Variants in ZNF440 observed in about 807,000 individuals in gnomAD.
The protein encoded by ZNF440 is zinc finger protein 440.
A neutral mutation model predicts 49.7 loss-of-function variants in ZNF440; 47 were observed. The ratio of observed to expected loss-of-function variants is 0.95; its 90% CI spans 0.75 to 1.21. The LOEUF (loss-of-function observed/expected upper bound fraction) is 1.21, where lower values mean the gene tolerates loss of function less well. Among genes scored for constraint, ZNF440 ranks in the 50% most tolerant of loss-of-function variants. ZNF440 has a pLI of 0.00. For synonymous variants in ZNF440, 255 were observed against 237.7 expected (o/e 1.07, Z -0.67); for missense variants, 703 against 715.0 (o/e 0.98, Z 0.19).
At position 11,832,000 on chromosome 19, in the gene ZNF440, A is replaced by G. The variant is rs770639738; in HGVS notation, c.824A>G (p.Glu275Gly). ...AGTCCCAGATCCTATCGTAGACATG[A>G]AAGGATTCACATGGGAGAAAAGGCT... is the stretch of plus-strand genomic sequence containing the variant. ...FHSPRSYRRH[E>G]RIHMGEKAYQ... Residue 275 changes from glutamate (E) to glycine (G), a missense_variant, in exon 4 of 4, where the codon GAA becomes GGA. Physicochemically the swap from Glu to Gly is moderately conservative, Grantham distance 98. Coordinates refer to ENST00000304060, the MANE Select transcript of ZNF440 (RefSeq NM_152357.3). The G allele has an allele frequency of 6.2e-7, 1 of 1,614,058 alleles. No homozygotes were observed. The highest frequency in any genetic ancestry group is 8.5e-7 in the Non-Finnish European group (1 of 1,179,994).
rs141262728 is a variant in ZNF440 at position 11,830,047 on chromosome 19, C to T, written c.4-236C>T. 1.6e-3 allele frequency: 1,150 copies of T among 738,672 alleles called. 12 individuals carry two copies. The African/African-American group carries it at 0.019, about 12-fold the overall frequency. The allele number at this position is 738,672 out of a possible 1,614,324, so 45.8% of individuals were successfully genotyped here. The stretch of plus-strand genomic sequence containing the variant: ...TGAGGAAGAAGAAGTGCTAGAACCC[C>T]GGCAGTGAGCCGAGATCATGCCATT... On this transcript the variant is annotated intron_variant, in intron 1 of 3. Coordinates refer to ENST00000304060, the MANE Select transcript of ZNF440 (RefSeq NM_152357.3).
Position 11,832,258 on chromosome 19 carries a change from T to G in ZNF440, c.1082T>G (p.Ile361Ser), listed in dbSNP as rs1410574237. 6.2e-7 allele frequency: 1 copy of G among 1,613,810 alleles called. No individual in the cohort carries two copies. The highest frequency in any genetic ancestry group is 8.5e-7 in the Non-Finnish European group (1 of 1,179,934). ...SVNSFQRHEK[I>S]HSGEKPYKCK... ...AATTCATTTCAAAGACATGAAAAAA[T>G]TCACAGTGGAGAGAAACCCTATAAA... is the stretch of plus-strand genomic sequence containing the variant. Residue 361 changes from isoleucine (I) to serine (S), a missense_variant, in exon 4 of 4, where the codon ATT becomes AGT. Transcript: ENST00000304060.
In ZNF440 at chr19:11,831,497, A is replaced by C. The variant is rs200760226; in HGVS notation, c.321A>C (p.Glu107Asp). 46 of 1,614,004 alleles carry C rather than the reference A, an allele frequency of 2.9e-5. No individual in the cohort carries two copies. Among genetic ancestry groups the C allele is most frequent in the East Asian group, 2.5e-4 (11 of 44,878 alleles). ...CTTCTCCTGAAGTAAAATCATGTGA[A>C]AGCTTTGTGTGTGGAGAAGTTGGCC... ...KKASPEVKSC[E>D]SFVCGEVGLG... The change falls in exon 4 of 4, where the codon GAA becomes GAC. Residue 107 changes from glutamate to aspartate, a missense_variant. Physicochemically the swap from Glu to Asp is conservative, Grantham distance 45 (BLOSUM62 2). Transcript: ENST00000304060.
At chr19:11,821,697 A>G (rs980883501) in intron 1 of ZNF440, among the ~76,000 whole-genome samples, 2 of 152,228 alleles carry the variant, frequency 1.3e-5, no homozygotes, top group African/African-American at 2.4e-5. Flanking sequence ...CACATGAGTC[A>G]GACATCACTG....
Position 11,832,731 on chromosome 19 carries a change from A to C in ZNF440, c.1555A>C (p.Asn519His). Residue 519 changes from asparagine (N) to histidine (H), a missense_variant, in exon 4 of 4, where the codon AAT becomes CAT. Asn to His is a moderately conservative substitution (Grantham distance 68). Transcript: ENST00000304060. Reference protein sequence around the residue: ...TLERSPINASNVGKPSELCQS... With the variant: ...TLERSPINASHVGKPSELCQS... The stretch of plus-strand genomic sequence containing the variant: ...GGAGAGAAGCCCTATAAATGCGAGC[A>C]ATGTGGGAAAGCCTTCAGAGCTGTG... 1 of 1,613,658 alleles carries C rather than the reference A, an allele frequency of 6.2e-7. No homozygotes were observed. The highest frequency in any genetic ancestry group is 8.5e-7 in the Non-Finnish European group (1 of 1,179,874).
At chr19:11,823,211 C>T (rs1261373354) in intron 1 of ZNF440, among the ~76,000 whole-genome samples, 1 of 152,082 alleles carries the variant, frequency 6.6e-6, no homozygotes, top group Non-Finnish European at 1.5e-5. Flanking sequence ...CTCATAAGAG[C>T]ACTAATCTCA....
Position 11,831,940 on chromosome 19 carries a change from CT to C in ZNF440, c.766del (p.Tyr256MetfsTer76). 13 of 1,613,982 alleles carry C rather than the reference CT, an allele frequency of 8.1e-6. No individual in the cohort carries two copies. The highest frequency in any genetic ancestry group is 1.1e-5 in the Non-Finnish European group (13 of 1,179,956). ...IHKRTHTGEKPYEYQECGKAF... is the reference protein window; with the variant it reads ...IHKRTHTGEKXYEYQECGKAF... ...AAAAGAACTCACACTGGAGAAAAGCCTTATGAATATCAGGAGTGTGGGAAAG... is the reference window on the plus strand; with the variant it reads ...AAAAGAACTCACACTGGAGAAAAGCCTATGAATATCAGGAGTGTGGGAAAG... On this transcript the variant is annotated frameshift_variant, in exon 4 of 4. Coordinates refer to ENST00000304060, the MANE Select transcript of ZNF440 (RefSeq NM_152357.3). LOFTEE classifies it high-confidence loss of function.
intron 1 of ZNF440, among the ~76,000 whole-genome samples, chr19:11,820,439 C>T (rs992605963): frequency 1.3e-5 from 2 of 152,102 alleles, no homozygotes; most frequent in African/African-American, 4.8e-5. Flanking sequence ...AGGATGTTCT[C>T]GATCTCTTGA....
At chr19:11,823,416 A>T (rs759069927) in intron 1 of ZNF440, among the ~76,000 whole-genome samples, 3 of 152,096 alleles carry the variant, frequency 2.0e-5, no homozygotes, top group Non-Finnish European at 4.4e-5. Flanking sequence ...GTTATATTTC[A>T]GTTTTTAGAA....
intron 1 of ZNF440, among the ~76,000 whole-genome samples, chr19:11,829,232 C>A (rs1975903757): frequency 6.6e-6 from 1 of 151,714 alleles, no homozygotes; most frequent in South Asian, 2.1e-4. Context: ...GCCCTATCAG[C>A]ATCTATCTAG....
In ZNF440 at chr19:11,834,293, A is replaced by AT. The variant is rs1975991753; in HGVS notation, c.*1335dup. 6.3e-6 allele frequency: 1 copy of AT among 159,416 alleles called. No individual in the cohort carries two copies. The highest frequency in any genetic ancestry group is 2.4e-5 in the African/African-American group (1 of 41,546). The allele number at this position is 159,416 out of a possible 1,614,324, so 9.9% of individuals were successfully genotyped here. A position where few individuals can be genotyped will look rare whatever the true frequency, so the allele number is the denominator to read the frequency against. ...AGGCATGCGCCACCATGCCAGGCTA[A>AT]TTTTTTGTATTTTTTAGTAGAGACG... On this transcript the variant is annotated 3_prime_UTR_variant, in exon 4 of 4. Coordinates refer to ENST00000304060, the MANE Select transcript of ZNF440 (RefSeq NM_152357.3).
At chr19:11,814,739 G>C (rs1412056014) in intron 1 of ZNF440, among the ~76,000 whole-genome samples, 3 of 152,192 alleles carry the variant, frequency 2.0e-5, no homozygotes, top group Non-Finnish European at 4.4e-5. Flanking sequence ...TCGGATATGG[G>C]GTTTGTTAGA....
rs1398858599 is a variant in ZNF440 at position 11,833,309 on chromosome 19, G to C, written c.*345G>C. 1 of 544,500 alleles carries C rather than the reference G, an allele frequency of 1.8e-6. No homozygotes were observed. Among genetic ancestry groups the C allele is most frequent in the Non-Finnish European group, 3.3e-6 (1 of 304,120 alleles). The allele number at this position is 544,500 out of a possible 1,614,324, so 33.7% of individuals were successfully genotyped here. ...GCAAATACATGAAAGGATGCACAGA[G>C]GAGAGAAGCTCTGTGAATGTAAGCA... On this transcript the variant is annotated 3_prime_UTR_variant, in exon 4 of 4. Transcript: ENST00000304060.
chr19:11,815,462 C>T (rs1975721922), intron 1 of ZNF440, among the ~76,000 whole-genome samples: 2 of 152,062 alleles, frequency 1.3e-5, no homozygotes, highest in African/African-American at 4.8e-5. Flanking sequence ...ACAAGGAAGT[C>T]GGTCTCAAGA....
chr19:11,831,604 C>T lies in ZNF440; in HGVS notation c.428C>T (p.Pro143Leu). ...GAGTATCAGGAATATGGACCAAAGC[C>T]ATGTAAGTGTCAACAACCTAAAAAA... ...AYEYQEYGPK[P>L]CKCQQPKKAF... Residue 143 changes from proline to leucine, a missense_variant, in exon 4 of 4, where the codon CCA becomes CTA. Coordinates refer to ENST00000304060, the MANE Select transcript of ZNF440 (RefSeq NM_152357.3). 2.5e-6 allele frequency: 4 copies of T among 1,614,068 alleles called. No individual in the cohort carries two copies. The South Asian group carries it at 3.3e-5, about 13-fold the overall frequency.
intron 1 of ZNF440, among the ~76,000 whole-genome samples, chr19:11,822,845 T>TAAA (rs547706900): frequency 5.1e-5 from 6 of 117,550 alleles, no homozygotes; most frequent in South Asian, 2.7e-4. Context: ...GAAACTCCGT[T>TAAA]AAAAAAAAAA....
intron 1 of ZNF440, among the ~76,000 whole-genome samples, chr19:11,823,514 G>A (rs934830620): frequency 3.3e-5 from 5 of 152,066 alleles, no homozygotes; most frequent in East Asian, 1.9e-4. Context: ...TTTCAGAAAC[G>A]TTACATCATA....
intron 1 of ZNF440, among the ~76,000 whole-genome samples, chr19:11,823,620 A>G (rs1975825005): frequency 1.3e-5 from 2 of 152,092 alleles, no homozygotes; most frequent in African/African-American, 4.8e-5. Flanking sequence ...CATAATAATC[A>G]TTTTATATCC....
At chr19:11,831,010 C>T (rs1975930185) in intron 3 of ZNF440, among the ~76,000 whole-genome samples, 1 of 152,148 alleles carries the variant, frequency 6.6e-6, no homozygotes, top group Admixed American at 6.5e-5. Context: ...CTGAGTGAGG[C>T]AGGAGGATCA....
Sources: allele counts gnomAD v4.1 joint callset (sites outside exome capture counted in the v4.1 genomes callset), GRCh38; gene constraint gnomAD v4.1.1; transcripts MANE v1.5; gene names NCBI Gene and HGNC (gene_info 2026-07-23, HGNC 2026-07-21).